Variants in PTK6 observed in about 807,000 individuals in gnomAD.
PTK6 encodes the protein protein-tyrosine kinase 6.
A neutral mutation model predicts 47.5 loss-of-function variants in PTK6; 47 were observed. The ratio of observed to expected loss-of-function variants is 0.99; its 90% CI spans 0.78 to 1.26. PTK6 has a LOEUF of 1.26. Among genes scored for constraint, PTK6 ranks in the 50% most tolerant of loss-of-function variants. The pLI is 0.00. For synonymous variants in PTK6, 287 were observed against 276.5 expected, an observed-to-expected ratio of 1.04 and a Z score of -0.38; for missense variants, 618 against 625.3, an observed-to-expected ratio of 0.99 and a Z score of 0.12.
intron 1 of PTK6, among the ~76,000 whole-genome samples, chr20:63,536,802 G>A (rs1198216239): frequency 3.3e-5 from 5 of 152,322 alleles, no homozygotes; most frequent in East Asian, 1.9e-4. Context: ...GCAATGCAGC[G>A]TCCACCCCCG....
At position 63,529,973 on chromosome 20, in the gene PTK6, G is replaced by A; in HGVS notation, c.1168+105C>T. 7.2e-7 allele frequency: 1 copy of A among 1,397,712 alleles called. No individual in the cohort carries two copies. Among genetic ancestry groups the A allele is most frequent in the South Asian group, 1.3e-5 (1 of 79,386 alleles). 86.6% of individuals were successfully genotyped at this position (1,397,712 alleles called of 1,614,324 possible). A position where few individuals can be genotyped will look rare whatever the true frequency, so the allele number is the denominator to read the frequency against. On this transcript the variant is annotated intron_variant, in intron 7 of 7. Coordinates refer to ENST00000542869, the MANE Select transcript of PTK6 (RefSeq NM_005975.4). The surrounding 1 kb of genome is among the most constrained non-coding windows in gnomAD (Gnocchi z 5.6). Reference sequence around the variant, plus strand: ...GGAGTTCAGGCGATGGCCCGCGGAGGGCCCTGAAGCCCGTGGGGGAGGCAC... The same window carrying A: ...GGAGTTCAGGCGATGGCCCGCGGAGAGCCCTGAAGCCCGTGGGGGAGGCAC...
In PTK6 at chr20:63,534,925, G is replaced by A. The variant is rs1470856614; in HGVS notation, c.352+13C>T. 4 of 1,586,810 alleles carry A rather than the reference G, an allele frequency of 2.5e-6. No homozygotes were observed. Among genetic ancestry groups the A allele is most frequent in the Admixed American group, 1.7e-5 (1 of 58,840 alleles). The stretch of plus-strand genomic sequence containing the variant: ...CCCGCAGGCAAGCACAGGCTCGGAG[G>A]CCGGGGCCGCACCCGACAGGACGTA... On this transcript the variant is annotated intron_variant, in intron 2 of 7. Coordinates refer to ENST00000542869, the MANE Select transcript of PTK6 (RefSeq NM_005975.4).
Position 63,533,610 on chromosome 20 carries a change from T to G in PTK6, c.611A>C (p.Glu204Ala). 6.2e-7 allele frequency: 1 copy of G among 1,613,596 alleles called. No homozygotes were observed. Among genetic ancestry groups the G allele is most frequent in the Non-Finnish European group, 8.5e-7 (1 of 1,179,882 alleles). Residue 204 changes from glutamate to alanine, a missense_variant, in exon 4 of 8, where the codon GAG becomes GCG. Coordinates refer to ENST00000542869, the MANE Select transcript of PTK6 (RefSeq NM_005975.4). The surrounding 1 kb of genome is among the most constrained non-coding windows in gnomAD (Gnocchi z 4.0). ...GTCTTTCCAGAGCCCCTCGAAGACC[T>G]CCCCAAAGTAGCCGGACCCCAGCTT... ...CRKLGSGYFG[E>A]VFEGLWKDRV... is the part of the protein sequence containing the mutation.
chr20:63,529,379 C>A lies in PTK6; in HGVS notation c.*157G>T. 1 of 784,042 alleles carries A rather than the reference C, an allele frequency of 1.3e-6. No homozygotes were observed. The highest frequency in any genetic ancestry group is 1.9e-6 in the Non-Finnish European group (1 of 522,040). 48.6% of individuals were successfully genotyped at this position (784,042 alleles called of 1,614,324 possible). On this transcript the variant is annotated 3_prime_UTR_variant, in exon 8 of 8. Coordinates refer to ENST00000542869, the MANE Select transcript of PTK6 (RefSeq NM_005975.4). The surrounding 1 kb of genome is among the most constrained non-coding windows in gnomAD (Gnocchi z 5.6). The stretch of plus-strand genomic sequence containing the variant: ...ACGATGGAGTAAGGAGAGGAGCACA[C>A]GCGTGTATTGGACGCAGACACTCCA...
In PTK6 at chr20:63,530,705, G is replaced by GCCCCGGCCACGA. The variant is rs775482514; in HGVS notation, c.1014+29_1014+40dup. On this transcript the variant is annotated intron_variant, in intron 6 of 7. Transcript: ENST00000542869. The surrounding 1 kb of genome is among the most constrained non-coding windows in gnomAD (Gnocchi z 4.1). ...AGGAAGCCCCCAGCCCTCCGGCCAC[G>GCCCCGGCCACGA]CCCCGGCCACGACCCCAGCCACGCC... 7 of 1,601,470 alleles carry GCCCCGGCCACGA rather than the reference G, an allele frequency of 4.4e-6. No homozygotes were observed. Among genetic ancestry groups the GCCCCGGCCACGA allele is most frequent in the African/African-American group, 2.7e-5 (2 of 74,282 alleles).
At position 63,533,749 on chromosome 20, in the gene PTK6, G is replaced by A; in HGVS notation, c.517-45C>T. On this transcript the variant is annotated intron_variant, in intron 3 of 7. Coordinates refer to ENST00000542869, the MANE Select transcript of PTK6 (RefSeq NM_005975.4). This position sits in a 1 kb window ranked among gnomAD's most constrained non-coding sequence, Gnocchi z 4.0. ...CACAGGGCAGGGGCTCATCCTTCAG[G>A]AAGTGCCAGTCTGAAGCCAGCACAG... 2 of 1,576,234 alleles carry A rather than the reference G, an allele frequency of 1.3e-6. No individual in the cohort carries two copies. Among genetic ancestry groups the A allele is most frequent in the Non-Finnish European group, 1.7e-6 (2 of 1,160,874 alleles).
intron 1 of PTK6, among the ~76,000 whole-genome samples, chr20:63,536,661 C>T (rs2082670937): frequency 6.6e-6 from 1 of 152,142 alleles, no homozygotes; most frequent in African/African-American, 2.4e-5. Flanking sequence ...TGTCTGGTTC[C>T]GGCACTTTGG....
rs577292641 is a variant in PTK6 at position 63,535,008 on chromosome 20, G to A, written c.282C>T (p.Ala94=). The A allele has an allele frequency of 2.5e-6, 4 of 1,608,780 alleles. No individual in the cohort carries two copies. The highest frequency in any genetic ancestry group is 1.7e-5 in the Admixed American group (1 of 59,842). ...GGAAGGCGCCCGTGGCGTTGCCCTC[G>A]GCCTGCAGCCGACGCACAGCTTCCG... ...SRSEAVRRLQ[A]EGNATGAFLI... Residue 94 remains alanine (A), a synonymous_variant, in exon 2 of 8, where the codon GCC becomes GCT. Transcript: ENST00000542869.
rs1216572256 is a variant in PTK6 at position 63,533,304 on chromosome 20, G to A, written c.670+247C>T. Among the ~76,000 whole-genome samples the A allele has an allele frequency of 4.6e-5, 7 of 152,138 alleles. No homozygotes were observed. Among genetic ancestry groups the A allele is most frequent in the Non-Finnish European group, 1.0e-4 (7 of 68,034 alleles). On this transcript the variant is annotated intron_variant, in intron 4 of 7. Transcript: ENST00000542869. The surrounding 1 kb of genome is among the most constrained non-coding windows in gnomAD (Gnocchi z 4.0). ...GCTGGTCTCAAACTCCTGACCTCGT[G>A]ATCCGCCCACCTTGGCTTCCCAAAG...
chr20:63,531,367 G>A (rs970147055), intron 5 of PTK6, among the ~76,000 whole-genome samples: 1 of 142,680 alleles, frequency 7.0e-6, no homozygotes, highest in African/African-American at 2.6e-5. Flanking sequence ...CTTGCAGTGA[G>A]CCGAGATCAC....
chr20:63,533,193 G>A lies in PTK6; in HGVS notation c.670+358C>T, dbSNP rs186510244. On this transcript the variant is annotated intron_variant, in intron 4 of 7. Transcript: ENST00000542869. The surrounding 1 kb of genome is among the most constrained non-coding windows in gnomAD (Gnocchi z 4.0). ...AGCGATTCTCCTGCCTCAGCCTCCC[G>A]AGTAGCTGGGACTACAGGCACATGC... Among the ~76,000 whole-genome samples, 2 of 151,510 alleles carry A rather than the reference G, an allele frequency of 1.3e-5. No individual in the cohort carries two copies. Among genetic ancestry groups the A allele is most frequent in the Admixed American group, 6.6e-5 (1 of 15,208 alleles).
chr20:63,531,437 AAT>A (rs748873194), intron 5 of PTK6, among the ~76,000 whole-genome samples: 1,424 of 94,818 alleles, frequency 0.015, 122 homozygotes, highest in Middle Eastern at 0.033. Context: ...AAAAAAAAAA[AAT>A]ATATATATAT....
intron 5 of PTK6, among the ~76,000 whole-genome samples, chr20:63,531,462 A>G (rs1237746280): frequency 8.9e-6 from 1 of 112,322 alleles, no homozygotes; most frequent in Non-Finnish European, 1.7e-5. Flanking sequence ...ATATATATAT[A>G]TAATTAGCTG....
chr20:63,535,267 G>GGGGGCA (rs2082655842), intron 1 of PTK6, among the ~76,000 whole-genome samples: 1 of 152,190 alleles, frequency 6.6e-6, no homozygotes, highest in Non-Finnish European at 1.5e-5. Flanking sequence ...AGGACCCGGC[G>GGGGGCA]GGGGCAGGGG....
rs373050023 is a variant in PTK6, at chr20:63,532,342, TGTG to T, written c.832+181_832+183del. ...ATGTGTATGTCTGTGTGCATGTGTG[TGTG>T]CATGTGTGTCTGTGCGTGTGTGTCT... On this transcript the variant is annotated intron_variant, in intron 5 of 7. Transcript: ENST00000542869. Among the ~76,000 whole-genome samples the T allele has an allele frequency of 3.1e-3, 355 of 113,994 alleles. 1 individual carries two copies. Among genetic ancestry groups the T allele is most frequent in the African/African-American group, 5.1e-3 (40 of 7,776 alleles). 74.8% of individuals were successfully genotyped at this position (113,994 alleles called of 152,430 possible).
rs756988258 is a variant in PTK6, at chr20:63,530,977, TGG to T, written c.833-52_833-51del. On this transcript the variant is annotated intron_variant, in intron 5 of 7. Coordinates refer to ENST00000542869, the MANE Select transcript of PTK6 (RefSeq NM_005975.4). This position sits in a 1 kb window ranked among gnomAD's most constrained non-coding sequence, Gnocchi z 4.1. ...CTGGGGTCAGCTGAGCCAGCTGAGG[TGG>T]GGAAGGGTTGGGGAGGCTGGGCCAT... The T allele has an allele frequency of 4.0e-6, 6 of 1,496,800 alleles. No individual in the cohort carries two copies. In the South Asian group the frequency reaches 7.9e-5, roughly 20 times the overall value. The allele number at this position is 1,496,800 out of a possible 1,614,324, so 92.7% of individuals were successfully genotyped here. A position where few individuals can be genotyped will look rare whatever the true frequency, so the allele number is the denominator to read the frequency against.
chr20:63,529,746 G>A lies in PTK6; in HGVS notation c.1169-23C>T, dbSNP rs771694236. 23 of 1,524,602 alleles carry A rather than the reference G, an allele frequency of 1.5e-5. No individual in the cohort carries two copies. In the East Asian group the frequency reaches 5.4e-4, roughly 36 times the overall value. The allele number at this position is 1,524,602 out of a possible 1,614,324, so 94.4% of individuals were successfully genotyped here. On this transcript the variant is annotated intron_variant, in intron 7 of 7. Transcript: ENST00000542869. The surrounding 1 kb of genome is among the most constrained non-coding windows in gnomAD (Gnocchi z 5.6). ...TGCCTGCGGCCGACAGGGATGAGAA[G>A]AGCTGGGGCCCACCTGCCTACCCTC...
chr20:63,532,826 G>A, intron 4 of PTK6, 139 bp from the exon 5 acceptor site: 2 of 1,220,868 alleles, frequency 1.6e-6, no homozygotes, highest in Non-Finnish European at 2.2e-6. Context: ...GCCCCCGACA[G>A]GGCACCTGGC....
At position 63,529,600 on chromosome 20, in the gene PTK6, C is replaced by G. The variant is rs1447760296; in HGVS notation, c.1292G>C (p.Arg431Thr). 6.4e-7 allele frequency: 1 copy of G among 1,565,704 alleles called. No individual in the cohort carries two copies. The highest frequency in any genetic ancestry group is 8.7e-7 in the Non-Finnish European group (1 of 1,155,230). The change falls in exon 8 of 8, where the codon AGA becomes ACA. Residue 431 changes from arginine (R) to threonine (T), a missense_variant. Coordinates refer to ENST00000542869, the MANE Select transcript of PTK6 (RefSeq NM_005975.4). This position sits in a 1 kb window ranked among gnomAD's most constrained non-coding sequence, Gnocchi z 5.6. ...CTCCCGCAGGGCCTTGAAGCAGGGTCTCTGCTCGGGGTCCCTGCACCAGCA... is the reference window on the plus strand; with the variant it reads ...CTCCCGCAGGGCCTTGAAGCAGGGTGTCTGCTCGGGGTCCCTGCACCAGCA... ...LTCWCRDPEQ[R>T]PCFKALRERL...
Sources: gnomAD v4.1 joint callset for allele counts (sites outside exome capture counted in the v4.1 genomes callset) on GRCh38, gnomAD v4.1.1 for gene constraint, Gnocchi (gnomAD v3.1) non-coding constraint, MANE v1.5 for transcripts, NCBI Gene and HGNC (gene_info 2026-07-23, HGNC 2026-07-21) for gene names.